Variants in ERP27 observed in about 807,000 individuals in gnomAD.
The protein encoded by ERP27 is endoplasmic reticulum protein 27.
Under a neutral mutation model 27.7 loss-of-function variants are expected in ERP27, and 23 were observed. The ratio of observed to expected loss-of-function variants is 0.83; its 90% CI spans 0.60 to 1.18. ERP27 has a LOEUF of 1.18. Among genes scored for constraint, ERP27 ranks in the 50% most tolerant of loss-of-function variants. The pLI is 0.00. For synonymous variants in ERP27, 159 were observed against 118.3 expected (o/e 1.34, Z -2.23); for missense variants, 363 against 327.9 (o/e 1.11, Z -0.83).
intron 3 of ERP27, among the ~76,000 whole-genome samples, chr12:14,932,149 C>G (rs75257341): frequency 6.6e-6 from 1 of 152,154 alleles, no homozygotes; most frequent in Non-Finnish European, 1.5e-5. Context: ...CCTTTGAATA[C>G]AAAGATGAAT....
intron 3 of ERP27, among the ~76,000 whole-genome samples, chr12:14,925,442 A>C (rs1228079630): frequency 3.9e-5 from 6 of 152,182 alleles, no homozygotes; most frequent in Non-Finnish European, 8.8e-5. Flanking sequence ...TTTCCTCCTT[A>C]GAAGGCTCTA....
At chr12:14,921,596 A>G (rs1748367776) in intron 3 of ERP27, among the ~76,000 whole-genome samples, 1 of 152,192 alleles carries the variant, frequency 6.6e-6, no homozygotes. Flanking sequence ...TCAGATTTGT[A>G]TTATATTTAT....
intron 3 of ERP27, chr12:14,928,871 G>T (rs2120600147): frequency 6.9e-7 from 1 of 1,451,288 alleles, no homozygotes; most frequent in Non-Finnish European, 9.3e-7. Flanking sequence ...CAAGACGAAT[G>T]AGTAAAGAAA....
chr12:14,916,634 C>T (rs1041287335), intron 5 of ERP27, among the ~76,000 whole-genome samples: 5 of 152,020 alleles, frequency 3.3e-5, no homozygotes, highest in South Asian at 2.1e-4. Flanking sequence ...ATCAGAAAGG[C>T]GCTTATTTTA....
chr12:14,932,586 T>C (rs1164048571), intron 3 of ERP27, among the ~76,000 whole-genome samples: 1 of 152,238 alleles, frequency 6.6e-6, no homozygotes, highest in Non-Finnish European at 1.5e-5. Context: ...ATTAAATATC[T>C]CATTTTTGAT....
At chr12:14,932,107 G>C (rs1368416741) in intron 3 of ERP27, among the ~76,000 whole-genome samples, 1 of 152,120 alleles carries the variant, frequency 6.6e-6, no homozygotes, top group Non-Finnish European at 1.5e-5. Flanking sequence ...CACCCTCCGA[G>C]TGCCTTTAAG....
Position 14,934,853 on chromosome 12 carries a change from T to C in ERP27, c.333+3A>G. The stretch of plus-strand genomic sequence containing the variant: ...GAAAGCTCAAGCTACCCACCCAACT[T>C]ACCAGGCGAAAGAGGCAGATGGTGT... On this transcript the variant is annotated splice_donor_region_variant and intron_variant, in intron 3 of 6. Transcript: ENST00000266397. 1 of 1,613,802 alleles carries C rather than the reference T, an allele frequency of 6.2e-7. No individual in the cohort carries two copies. The highest frequency in any genetic ancestry group is 8.5e-7 in the Non-Finnish European group (1 of 1,179,804).
chr12:14,936,075 A>C (rs1490402581), intron 2 of ERP27, among the ~76,000 whole-genome samples: 1 of 152,066 alleles, frequency 6.6e-6, no homozygotes, highest in African/African-American at 2.4e-5. Context: ...TGGATCTTCA[A>C]ATAAACTGGC....
At chr12:14,914,897 T>A in intron 6 of ERP27, 115 bp from the exon 7 acceptor site, 1 of 811,482 alleles carries the variant, frequency 1.2e-6, no homozygotes, top group Non-Finnish European at 1.9e-6. Flanking sequence ...GAAGTTTGAT[T>A]TGTTGCCCAT....
chr12:14,936,211 TA>T (rs1429760715), intron 2 of ERP27, among the ~76,000 whole-genome samples: 1 of 151,814 alleles, frequency 6.6e-6, no homozygotes, highest in Non-Finnish European at 1.5e-5. Flanking sequence ...AGAAGAAAAA[TA>T]AAACAATTAA....
At chr12:14,932,461 A>G (rs565131257) in intron 3 of ERP27, among the ~76,000 whole-genome samples, 1 of 152,262 alleles carries the variant, frequency 6.6e-6, no homozygotes, top group Non-Finnish European at 1.5e-5. Context: ...ATGGAATTGG[A>G]TGATCATTAT....
intron 3 of ERP27, among the ~76,000 whole-genome samples, chr12:14,933,485 G>A (rs1296384232): frequency 6.6e-6 from 1 of 152,126 alleles, no homozygotes; most frequent in Non-Finnish European, 1.5e-5. Context: ...TTTTAATGGT[G>A]TGATGGGGGC....
At chr12:14,925,617 AT>A (rs1407767647) in intron 3 of ERP27, among the ~76,000 whole-genome samples, 1 of 152,012 alleles carries the variant, frequency 6.6e-6, no homozygotes, top group East Asian at 1.9e-4. Context: ...TTCTAGCTTT[AT>A]TTTTATATTT....
chr12:14,933,338 C>A (rs775541164), intron 3 of ERP27, among the ~76,000 whole-genome samples: 1 of 152,042 alleles, frequency 6.6e-6, no homozygotes, highest in African/African-American at 2.4e-5. Context: ...TCCTAGAATT[C>A]AAGGAAAGAG....
At chr12:14,915,365 C>G (rs1863391767) in intron 6 of ERP27, 124 bp downstream of exon 6, 1 of 890,308 alleles carries the variant, frequency 1.1e-6, no homozygotes, top group Admixed American at 2.4e-5. Context: ...TCTATCTGCA[C>G]TTGGTATCCA....
At chr12:14,930,024 G>C (rs563271142) in intron 3 of ERP27, among the ~76,000 whole-genome samples, 2 of 151,798 alleles carry the variant, frequency 1.3e-5, no homozygotes, top group African/African-American at 4.8e-5. Flanking sequence ...GGGGGATAGG[G>C]GGCTGGGGGA....
chr12:14,926,729 CT>C (rs1271625438), intron 3 of ERP27, among the ~76,000 whole-genome samples: 1 of 152,134 alleles, frequency 6.6e-6, no homozygotes, highest in Non-Finnish European at 1.5e-5. Context: ...CAGTTTACCT[CT>C]TTTAAATTCA....
chr12:14,937,727 C>A (rs1361406846), intron 2 of ERP27, among the ~76,000 whole-genome samples: 1 of 152,232 alleles, frequency 6.6e-6, no homozygotes, highest in Non-Finnish European at 1.5e-5. Flanking sequence ...ATGCAGCCCA[C>A]AGGCTCAGAA....
At chr12:14,929,295 A>G (rs1863661820) in intron 3 of ERP27, among the ~76,000 whole-genome samples, 1 of 152,218 alleles carries the variant, frequency 6.6e-6, no homozygotes, top group African/African-American at 2.4e-5. Context: ...TAAGAAGCAA[A>G]AGAGCTTTAA....
Sources: allele counts gnomAD v4.1 joint callset (sites outside exome capture counted in the v4.1 genomes callset), GRCh38; gene constraint gnomAD v4.1.1; transcripts MANE v1.5; gene names NCBI Gene and HGNC (gene_info 2026-07-23, HGNC 2026-07-21).